Variants in HDAC9 observed in about 807,000 individuals in gnomAD.
HDAC9 encodes the protein MEF-2 interacting transcription repressor (MITR) protein.
HDAC9 carries 41 observed loss-of-function variants against 139.4 expected under a neutral mutation model. That is an observed-to-expected ratio of 0.29 (90% CI 0.23 to 0.38). The LOEUF (loss-of-function observed/expected upper bound fraction) is 0.38, where lower values mean the gene tolerates loss of function less well. Ranked by LOEUF, HDAC9 falls within the 10% of genes least tolerant of loss-of-function variation. The pLI is 1.00. For synonymous variants in HDAC9, 517 were observed against 476.2 expected (o/e 1.09, Z -1.12); for missense variants, 1,147 against 1,297.0 (o/e 0.88, Z 1.78).
chr7:18,799,025 T>TA (rs1213044592), intron 17 of HDAC9, among the ~76,000 whole-genome samples: 1 of 149,716 alleles, frequency 6.7e-6, no homozygotes, highest in Non-Finnish European at 1.5e-5. Flanking sequence ...GCTAAATATT[T>TA]AAAATGTGCC....
chr7:18,289,832 C>T (rs187348706), upstream of HDAC9, among the ~76,000 whole-genome samples: 303 of 152,228 alleles, frequency 2.0e-3, 1 homozygote, highest in Admixed American at 3.9e-3. Flanking sequence ...ATCTAAGAAA[C>T]AATTCATAGC....
chr7:18,217,154 G>A (rs1347263572), intron 2 of HDAC9, among the ~76,000 whole-genome samples: 1 of 151,946 alleles, frequency 6.6e-6, no homozygotes, highest in Non-Finnish European at 1.5e-5. Flanking sequence ...ATTCTACTCA[G>A]CTGGGATGAT....
At chr7:18,925,631 T>G (rs1408260481) in intron 22 of HDAC9, among the ~76,000 whole-genome samples, 1 of 149,656 alleles carries the variant, frequency 6.7e-6, no homozygotes, top group Non-Finnish European at 1.5e-5. Context: ...TTAAATTTTT[T>G]TAGTTAAATA....
intron 1 of HDAC9, among the ~76,000 whole-genome samples, chr7:18,311,693 T>A (rs1039567104): frequency 6.6e-6 from 1 of 152,138 alleles, no homozygotes; most frequent in Non-Finnish European, 1.5e-5. Flanking sequence ...CATATTCTAC[T>A]ACTGTCAAGG....
intron 24 of HDAC9, among the ~76,000 whole-genome samples, chr7:18,964,637 G>C (rs1783733870): frequency 6.6e-6 from 1 of 152,172 alleles, no homozygotes; most frequent in Non-Finnish European, 1.5e-5. Flanking sequence ...GTTCCATAGG[G>C]CTGGGAAGGC....
intron 11 of HDAC9, among the ~76,000 whole-genome samples, chr7:18,657,023 T>G (rs929645155): frequency 6.6e-6 from 1 of 152,096 alleles, no homozygotes; most frequent in African/African-American, 2.4e-5. Flanking sequence ...TGATTTTCAT[T>G]TCTCTGATGG....
chr7:18,849,117 A>G (rs1797102857), intron 21 of HDAC9, among the ~76,000 whole-genome samples: 1 of 152,240 alleles, frequency 6.6e-6, no homozygotes, highest in South Asian at 2.1e-4. Flanking sequence ...TTCAGTAAAC[A>G]TGATAAAAGT....
intron 22 of HDAC9, among the ~76,000 whole-genome samples, chr7:18,930,011 G>A (rs1278605818): frequency 1.3e-5 from 2 of 152,064 alleles, no homozygotes; most frequent in Non-Finnish European, 2.9e-5. Context: ...AGATTCTTTT[G>A]TAGTCAATAC....
chr7:18,388,733 G>T (rs1786182887), intron 1 of HDAC9, among the ~76,000 whole-genome samples: 3 of 152,180 alleles, frequency 2.0e-5, no homozygotes. Context: ...GGGGGAATTG[G>T]TGGGGTGGCT....
chr7:18,526,478 C>G (rs935534311), intron 2 of HDAC9, among the ~76,000 whole-genome samples: 4 of 152,178 alleles, frequency 2.6e-5, no homozygotes, highest in African/African-American at 9.6e-5. Context: ...ATCTGAAGAT[C>G]CAGACTCTAG....
chr7:18,257,100 GTGTGTGTGTGTGCATGTA>G (rs1795301123), intron 2 of HDAC9, among the ~76,000 whole-genome samples: 2 of 137,100 alleles, frequency 1.5e-5, no homozygotes, highest in South Asian at 5.2e-4. Context: ...AATTGTGTAT[GTGTGTGTGTGTGCATGTA>G]TGTGTGTGTG....
intron 22 of HDAC9, among the ~76,000 whole-genome samples, chr7:18,923,774 CT>C (rs1241059667): frequency 3.3e-5 from 5 of 152,082 alleles, no homozygotes; most frequent in African/African-American, 1.2e-4. Flanking sequence ...GAAAGACTCC[CT>C]TTTCATGTCC....
chr7:18,230,708 A>G (rs1793399251), intron 2 of HDAC9, among the ~76,000 whole-genome samples: 1 of 152,196 alleles, frequency 6.6e-6, no homozygotes, highest in Non-Finnish European at 1.5e-5. Flanking sequence ...GGCATCTCAA[A>G]TCCTTTTTTG....
At chr7:18,415,141 T>A (rs1788930052) in intron 1 of HDAC9, among the ~76,000 whole-genome samples, 1 of 152,194 alleles carries the variant, frequency 6.6e-6, no homozygotes, top group South Asian at 2.1e-4. Context: ...AGGTGAGAAC[T>A]CTAATCCTCT....
intron 6 of HDAC9, among the ~76,000 whole-genome samples, chr7:18,628,787 T>C (rs986228536): frequency 3.3e-5 from 5 of 152,180 alleles, no homozygotes; most frequent in African/African-American, 1.2e-4. Context: ...CTAGTTGGTT[T>C]GGTGTCATTA....
chr7:18,912,892 C>T (rs186317754), intron 22 of HDAC9, among the ~76,000 whole-genome samples: 1 of 151,984 alleles, frequency 6.6e-6, no homozygotes, highest in Non-Finnish European at 1.5e-5. Context: ...AGAATATGCT[C>T]ATGCACCTTG....
intron 11 of HDAC9, among the ~76,000 whole-genome samples, chr7:18,650,031 T>A (rs1252665142): frequency 6.6e-6 from 1 of 152,200 alleles, no homozygotes; most frequent in African/African-American, 2.4e-5. Context: ...ATCAAATTAT[T>A]TTATATCAAA....
chr7:18,680,239 T>C (rs1045044297), intron 12 of HDAC9, among the ~76,000 whole-genome samples: 1 of 151,728 alleles, frequency 6.6e-6, no homozygotes, highest in Admixed American at 6.6e-5. Flanking sequence ...ACTAGGAGAG[T>C]TTTCTCAAAA....
At chr7:18,831,525 T>C (rs1019787097) in intron 19 of HDAC9, among the ~76,000 whole-genome samples, 1 of 152,164 alleles carries the variant, frequency 6.6e-6, no homozygotes, top group Non-Finnish European at 1.5e-5. Flanking sequence ...CAGGCTGTAG[T>C]AGACGAGAAG....
Sources: allele counts gnomAD v4.1 joint callset (sites outside exome capture counted in the v4.1 genomes callset), GRCh38; gene constraint gnomAD v4.1.1; transcripts MANE v1.5; gene names NCBI Gene and HGNC (gene_info 2026-07-23, HGNC 2026-07-21).